MID2: variants seen among roughly 807,000 people sequenced by gnomAD.
MID2 encodes probable E3 ubiquitin-protein ligase MID2.
A neutral mutation model predicts 46.1 loss-of-function variants in MID2; 13 were observed. The ratio of observed to expected loss-of-function variants is 0.28; its 90% CI spans 0.18 to 0.45. MID2 has a LOEUF of 0.45. MID2 is among the 20% of genes least tolerant of loss of function. The pLI is 1.00. For synonymous variants in MID2, 199 were observed against 212.3 expected (o/e 0.94, Z 0.55); for missense variants, 431 against 575.4 (o/e 0.75, Z 2.57).
intron 3 of MID2, among the ~76,000 whole-genome samples, chrX:107,866,010 A>G (rs1931948964): frequency 8.9e-6 from 1 of 112,713 alleles, no homozygotes; most frequent in Admixed American, 9.3e-5. Flanking sequence ...TGACCTAGGC[A>G]GGGAAGGATA....
Position 107,926,135 on chromosome X carries a change from T to C in MID2, c.1639T>C (p.Leu547=). The change falls in exon 9 of 10, where the codon TTG becomes CTG. Residue 547 remains leucine (L), a synonymous_variant. Coordinates refer to ENST00000262843, the MANE Select transcript of MID2 (RefSeq NM_012216.4). ...KLDPKMTHKK[L]KISNDGLQME... ...GGATCCCAAAATGACTCACAAGAAG[T>C]TGAAGATCTCCAATGATGGATTGCA... 1 of 1,208,380 alleles carries C rather than the reference T, an allele frequency of 8.3e-7. No individual in the cohort carries two copies. The highest frequency in any genetic ancestry group is 1.1e-6 in the Non-Finnish European group (1 of 893,596).
rs763180266 is a variant in MID2, at chrX:107,890,536, G to T, written c.817-13422G>T. On this transcript the variant is annotated intron_variant, in intron 3 of 9. Coordinates refer to ENST00000262843, the MANE Select transcript of MID2 (RefSeq NM_012216.4). ...GGTATCAGTCTGCCCCTACTGGGGG[G>T]TGCCTCCCAGTTAGGCTACTCGGGG... 2.1e-4 allele frequency among the ~76,000 whole-genome samples: 23 copies of T among 112,189 alleles called. No homozygotes were observed. The South Asian group carries it at 8.3e-3, about 40-fold the overall frequency.
chrX:107,918,733 C>T (rs1933016846), intron 7 of MID2, among the ~76,000 whole-genome samples: 1 of 111,865 alleles, frequency 8.9e-6, no homozygotes, highest in South Asian at 3.7e-4. Flanking sequence ...AAGTCACAAA[C>T]TCTAATGCTT....
chrX:107,840,581 G>A (rs1931317340), intron 1 of MID2, 89 bp from the exon 2 acceptor site: 6 of 736,119 alleles, frequency 8.2e-6, no homozygotes, highest in Admixed American at 2.9e-5. Context: ...AATCCAGCAC[G>A]TAAACGCGCC....
chrX:107,886,559 T>C (rs148134633), intron 3 of MID2, among the ~76,000 whole-genome samples: 19,569 of 111,467 alleles, frequency 0.18, 1,665 homozygotes, highest in African/African-American at 0.32. Flanking sequence ...GGTAGCGTGA[T>C]GCTTCCAGCT....
At chrX:107,917,156 C>G (rs1432476094) in intron 6 of MID2, among the ~76,000 whole-genome samples, 1 of 111,057 alleles carries the variant, frequency 9.0e-6, no homozygotes, top group East Asian at 2.8e-4. Context: ...TATATATACT[C>G]ATTTTGAAAT....
intron 7 of MID2, among the ~76,000 whole-genome samples, chrX:107,919,840 T>C (rs1198905934): frequency 1.8e-5 from 2 of 112,020 alleles, no homozygotes; most frequent in Admixed American, 9.5e-5. Context: ...TTCTATGTAT[T>C]CCAAATCCTG....
intron 3 of MID2, among the ~76,000 whole-genome samples, chrX:107,892,916 A>G (rs773827740): frequency 1.8e-5 from 2 of 112,871 alleles, no homozygotes; most frequent in South Asian, 3.7e-4. Context: ...ACTGCTCAGT[A>G]TCTGCTTCCC....
intron 3 of MID2, among the ~76,000 whole-genome samples, chrX:107,883,408 G>A (rs1449179891): frequency 8.9e-6 from 1 of 111,916 alleles, no homozygotes; most frequent in Non-Finnish European, 1.9e-5. Context: ...ATAGAAAAAT[G>A]TTGGTGGCTT....
intron 1 of MID2, among the ~76,000 whole-genome samples, chrX:107,838,282 G>C (rs772605094): frequency 8.9e-6 from 1 of 112,092 alleles, no homozygotes; most frequent in South Asian, 3.7e-4. Context: ...AGCTCTCTAA[G>C]GCAATATTCC....
intron 3 of MID2, among the ~76,000 whole-genome samples, chrX:107,866,321 A>G (rs1050977990): frequency 3.6e-5 from 4 of 110,981 alleles, no homozygotes; most frequent in African/African-American, 1.3e-4. Context: ...TGAATACGCA[A>G]ATTGCATATT....
chrX:107,873,090 C>T (rs1349403662), intron 3 of MID2, among the ~76,000 whole-genome samples: 4 of 111,399 alleles, frequency 3.6e-5, no homozygotes, highest in South Asian at 3.9e-4. Context: ...CCCTGGGTGA[C>T]GGCTGCCTTG....
At position 107,931,326 on chromosome X, in the gene MID2, G is replaced by A. The variant is rs1051592702; in HGVS notation, c.*4253G>A. On this transcript the variant is annotated 3_prime_UTR_variant, in exon 10 of 10. Transcript: ENST00000262843. ...GGAGCCAATGGCTGTATTTGGCTGT[G>A]TGTTACAGGTTGGCCAAACTGATTG... 9.8e-5 allele frequency among the ~76,000 whole-genome samples: 11 copies of A among 112,408 alleles called. No homozygotes were observed. The highest frequency in any genetic ancestry group is 3.6e-4 in the African/African-American group (11 of 30,946).
chrX:107,841,233 C>A lies in MID2; in HGVS notation c.568C>A (p.Leu190Ile), dbSNP rs773603465. Residue 190 changes from leucine to isoleucine, a missense_variant, in exon 2 of 10, where the codon CTT (leucine) becomes ATT (isoleucine). Transcript: ENST00000262843. ...RLVEPVPDTH[L>I]RGITCLDHEN... ...GGTGGAACCAGTGCCAGACACACAT[C>A]TTCGAGGGATCACCTGCCTGGACCA... 1.1e-5 allele frequency: 13 copies of A among 1,211,568 alleles called. No individual in the cohort carries two copies. Among genetic ancestry groups the A allele is most frequent in the Non-Finnish European group, 1.5e-5 (13 of 895,404 alleles).
intron 5 of MID2, 138 bp from the exon 6 acceptor site, chrX:107,915,864 G>T: frequency 1.8e-6 from 1 of 552,094 alleles, no homozygotes; most frequent in East Asian, 3.7e-5. Context: ...CCATTGGAAA[G>T]GCAGAGATAT....
At chrX:107,826,698 C>T (rs1385216972) in intron 1 of MID2, among the ~76,000 whole-genome samples, 1 of 113,059 alleles carries the variant, frequency 8.8e-6, no homozygotes, top group Admixed American at 9.2e-5. Context: ...GGGTGCGGGG[C>T]GGGGGCGGCC....
In MID2 at chrX:107,891,073, G is replaced by A. The variant is rs756596652; in HGVS notation, c.817-12885G>A. Among the ~76,000 whole-genome samples, 242 of 109,983 alleles carry A rather than the reference G, an allele frequency of 2.2e-3. 1 individual carries two copies. The highest frequency in any genetic ancestry group is 4.6e-3 in the Middle Eastern group (1 of 217). ...ACCCCTTGAGCTTCCTGGGTGAGGC[G>A]ATGCCTCACCCTGCTTCGGCTCACG... On this transcript the variant is annotated intron_variant, in intron 3 of 9. Coordinates refer to ENST00000262843, the MANE Select transcript of MID2 (RefSeq NM_012216.4).
chrX:107,886,135 C>A (rs1480373494), intron 3 of MID2, among the ~76,000 whole-genome samples: 1 of 111,469 alleles, frequency 9.0e-6, no homozygotes, highest in Non-Finnish European at 1.9e-5. Context: ...AATTAGATCC[C>A]ATTTGTCAAT....
chrX:107,833,067 T>G (rs1412865127), intron 1 of MID2, among the ~76,000 whole-genome samples: 1 of 112,076 alleles, frequency 8.9e-6, no homozygotes, highest in Non-Finnish European at 1.9e-5. Flanking sequence ...TGCATTTTGT[T>G]TATGTCCTGC....
Sources: gnomAD v4.1 joint callset for allele counts (sites outside exome capture counted in the v4.1 genomes callset) on GRCh38, gnomAD v4.1.1 for gene constraint, MANE v1.5 for transcripts, NCBI Gene and HGNC (gene_info 2026-07-23, HGNC 2026-07-21) for gene names.